The following LTA4H variants were observed in gnomAD, a reference collection of about 807,000 sequenced individuals.
LTA4H encodes the protein leukotriene A4 hydrolase, also known as leukotriene A-4 hydrolase.
LTA4H carries 59 observed loss-of-function variants against 89.8 expected under a neutral mutation model. The observed-to-expected ratio is 0.66, with a 90% CI of 0.53 to 0.82. LTA4H has a LOEUF of 0.82. Ranked by LOEUF, LTA4H falls within the 40% of genes least tolerant of loss-of-function variation. The pLI is 0.00. For synonymous variants in LTA4H, 227 were observed against 253.1 expected, an observed-to-expected ratio of 0.90 and a Z score of 0.98; for missense variants, 617 against 727.0, an observed-to-expected ratio of 0.85 and a Z score of 1.74.
At chr12:96,011,232 A>T (rs1008436037) in intron 14 of LTA4H, 1 of 152,192 alleles carries the variant, frequency 6.6e-6, no homozygotes, top group Non-Finnish European at 1.5e-5. Context: ...ACTTCCTGGA[A>T]CTGTCTTTTG....
At chr12:96,008,547 C>CT (rs112741878) in intron 15 of LTA4H, among the ~76,000 whole-genome samples, 19 of 147,328 alleles carry the variant, frequency 1.3e-4, no homozygotes, top group South Asian at 2.2e-4. Flanking sequence ...TTTTTGCATA[C>CT]TTTTTTTTTT....
upstream of LTA4H, among the ~76,000 whole-genome samples, chr12:96,036,097 A>G (rs780589237): frequency 2.7e-5 from 4 of 150,242 alleles, no homozygotes; most frequent in East Asian, 2.1e-4. Flanking sequence ...GGGGAGGCAC[A>G]GTAATTGTTT....
intron 10 of LTA4H, among the ~76,000 whole-genome samples, chr12:96,016,320 A>AT (rs1378605373): frequency 6.7e-6 from 1 of 148,260 alleles, no homozygotes; most frequent in African/African-American, 2.5e-5. Context: ...AAAAAAAAAA[A>AT]TCCTTGTTGG....
chr12:96,013,191 G>A lies in LTA4H; in HGVS notation c.1376C>T (p.Pro459Leu), dbSNP rs1255476187. 6.2e-6 allele frequency: 10 copies of A among 1,612,656 alleles called. No homozygotes were observed. The highest frequency in any genetic ancestry group is 8.5e-6 in the Non-Finnish European group (10 of 1,178,952). Residue 459 changes from proline to leucine, a missense_variant, in exon 14 of 19, where the codon CCC (proline) becomes CTC (leucine). Pro to Leu is a moderately conservative substitution (Grantham distance 98). This residue lies in a region of LTA4H where 290 missense variants were observed against 339.1 expected (regional missense o/e 0.86). Coordinates refer to ENST00000228740, the MANE Select transcript of LTA4H (RefSeq NM_000895.3). ...LYSPGLPPIK[P>L]NYDMTLTNAC... ...GCATTAGCAGGCAAGTACTTACTTG[G>A]GCTTTATGGGAGGCAGTCCAGGAGA...
chr12:96,023,548 T>C (rs2136904350), intron 4 of LTA4H, among the ~76,000 whole-genome samples: 1 of 152,280 alleles, frequency 6.6e-6, no homozygotes, highest in Admixed American at 6.5e-5. Context: ...TGCCTCCAAG[T>C]ATAATATATC....
At chr12:96,020,374 CAA>C (rs1318735333) in intron 6 of LTA4H, among the ~76,000 whole-genome samples, 1 of 152,156 alleles carries the variant, frequency 6.6e-6, no homozygotes, top group Non-Finnish European at 1.5e-5. Context: ...AAGCCAGACA[CAA>C]AGAGATAAAA....
chr12:96,029,130 A>T lies in LTA4H; in HGVS notation c.215T>A (p.Val72Asp). ...IEKVVINGQE[V>D]KYALGERQSY... The stretch of plus-strand genomic sequence containing the variant: ...TTGTCTTTCTCCAAGAGCATATTTG[A>T]CTTCTTGTCCATTGATCACTACTTT... Residue 72 changes from valine (V) to aspartate (D), a missense_variant, in exon 2 of 19, where the codon GTC becomes GAC. Physicochemically the swap from Val to Asp is radical, Grantham distance 152. Transcript: ENST00000228740. The T allele has an allele frequency of 6.3e-7, 1 of 1,592,874 alleles. No homozygotes were observed. Among genetic ancestry groups the T allele is most frequent in the Non-Finnish European group, 8.6e-7 (1 of 1,166,294 alleles).
At chr12:96,040,440 C>T (rs1950679171), upstream of LTA4H, among the ~76,000 whole-genome samples, 1 of 152,212 alleles carries the variant, frequency 6.6e-6, no homozygotes, top group Admixed American at 6.5e-5. Flanking sequence ...ATTTCCCAAC[C>T]TTCTTTGCAG....
chr12:96,034,663 T>C (rs1279394525), intron 1 of LTA4H, among the ~76,000 whole-genome samples: 1 of 152,190 alleles, frequency 6.6e-6, no homozygotes, highest in African/African-American at 2.4e-5. Flanking sequence ...GCAGGGACTG[T>C]TAGTTTCAAA....
At chr12:96,017,469 C>G in intron 9 of LTA4H, 88 bp downstream of exon 9, 1 of 1,159,212 alleles carries the variant, frequency 8.6e-7, no homozygotes, top group South Asian at 1.3e-5. Flanking sequence ...ATAACCATAT[C>G]TTTAACATAA....
At chr12:96,021,681 ACACACACACACACACACACACT>A (rs1950454802) in intron 5 of LTA4H, among the ~76,000 whole-genome samples, 1 of 151,890 alleles carries the variant, frequency 6.6e-6, no homozygotes, top group Non-Finnish European at 1.5e-5. Context: ...ACACACACAC[ACACACACACACACACACACACT>A]CACGCATGCA....
At chr12:96,005,621 A>C (rs1014962668) in intron 16 of LTA4H, among the ~76,000 whole-genome samples, 1 of 152,182 alleles carries the variant, frequency 6.6e-6, no homozygotes, top group African/African-American at 2.4e-5. Context: ...CCTCCCTGCT[A>C]GCCCTGGGGG....
intron 13 of LTA4H, 80 bp from the exon 14 acceptor site, chr12:96,013,338 A>G: frequency 1.2e-6 from 1 of 841,036 alleles, no homozygotes; most frequent in East Asian, 2.6e-5. Context: ...AAGTCCTTAG[A>G]TATATAATTT....
intron 8 of LTA4H, 28 bp downstream of exon 8, chr12:96,018,734 AT>A: frequency 6.7e-7 from 1 of 1,500,786 alleles, no homozygotes; most frequent in Non-Finnish European, 8.9e-7. Flanking sequence ...TGAAACGTCA[AT>A]TTCAAATGAA....
upstream of LTA4H, among the ~76,000 whole-genome samples, chr12:96,038,947 A>T (rs1950668701): frequency 6.6e-6 from 1 of 151,884 alleles, no homozygotes; most frequent in Non-Finnish European, 1.5e-5. Flanking sequence ...AAAATAAATT[A>T]CAGTAGGAAT....
upstream of LTA4H, among the ~76,000 whole-genome samples, chr12:96,038,321 G>A (rs1950665035): frequency 2.0e-5 from 3 of 152,162 alleles, no homozygotes; most frequent in Non-Finnish European, 4.4e-5. Flanking sequence ...CCCAAACTAT[G>A]AAATCTAATA....
chr12:96,035,573 G>T lies in LTA4H; in HGVS notation c.-54C>A. On this transcript the variant is annotated 5_prime_UTR_variant, in exon 1 of 19. The change creates a new upstream start codon in the 5' untranslated region. Coordinates refer to ENST00000228740, the MANE Select transcript of LTA4H (RefSeq NM_000895.3). ...CCTACAGCCCAACGCTCAGCTACCAGACTCGTCGATAGAGAACCTGAGGAG... is the reference window on the plus strand; with the variant it reads ...CCTACAGCCCAACGCTCAGCTACCATACTCGTCGATAGAGAACCTGAGGAG... 1 of 1,538,386 alleles carries T rather than the reference G, an allele frequency of 6.5e-7. No individual in the cohort carries two copies. The highest frequency in any genetic ancestry group is 1.2e-5 in the South Asian group (1 of 83,236).
At chr12:96,029,311 G>T in intron 1 of LTA4H, 126 bp from the exon 2 acceptor site, 1 of 500,954 alleles carries the variant, frequency 2.0e-6, no homozygotes, top group Non-Finnish European at 3.3e-6. Flanking sequence ...TAGAAGAATT[G>T]AAGAGTCAAA....
chr12:96,009,581 AGCACCTGCTACATAATTG>A lies in LTA4H; in HGVS notation c.1380-451_1380-434del, dbSNP rs545770578. 1.1e-4 allele frequency: 18 copies of A among 163,464 alleles called. No homozygotes were observed. In the South Asian group the frequency reaches 3.2e-3, roughly 29 times the overall value. The allele number at this position is 163,464 out of a possible 1,614,324, so 10.1% of individuals were successfully genotyped here. A position where few individuals can be genotyped will look rare whatever the true frequency, so the allele number is the denominator to read the frequency against. On this transcript the variant is annotated intron_variant, in intron 14 of 18. Coordinates refer to ENST00000228740, the MANE Select transcript of LTA4H (RefSeq NM_000895.3). ...CATCTAATCATCTAACAAACCTGCAAGCACCTGCTACATAATTGGCACCGTTCTAGATGCTAGACCCTT... is the reference window on the plus strand; with the variant it reads ...CATCTAATCATCTAACAAACCTGCAAGCACCGTTCTAGATGCTAGACCCTT...
Sources: gnomAD v4.1 joint callset for allele counts (sites outside exome capture counted in the v4.1 genomes callset) on GRCh38, gnomAD v4.1.1 for gene constraint, gnomAD v4.1.1 regional missense constraint, MANE v1.5 for transcripts, NCBI Gene and HGNC (gene_info 2026-07-23, HGNC 2026-07-21) for gene names.